RBFOX1: variants seen among roughly 807,000 people sequenced by gnomAD.
RBFOX1 encodes RNA binding protein fox-1 homolog 1.
In RBFOX1, 8 loss-of-function variants were observed where a neutral mutation model predicts 57.7. That is an observed-to-expected ratio of 0.14 (90% CI 0.08 to 0.25). The LOEUF (loss-of-function observed/expected upper bound fraction) is 0.25. Among genes scored for constraint, RBFOX1 ranks in the 10% least tolerant of loss-of-function variants. The probability of loss-of-function intolerance (pLI) is 1.00; values close to 1 mark genes in which losing one functional copy is unlikely to be tolerated. For missense variants in RBFOX1, 611 were observed against 548.5 expected, an observed-to-expected ratio of 1.11 and a Z score of -1.14; for synonymous variants, 326 against 222.4, an observed-to-expected ratio of 1.47 and a Z score of -4.15.
intron 1 of RBFOX1, among the ~76,000 whole-genome samples, chr16:5,424,939 C>T (rs1219577349): frequency 0.011 from 762 of 68,580 alleles, 13 homozygotes; most frequent in Non-Finnish European, 0.015. Flanking sequence ...TTCTTTCTCT[C>T]TCTTCTTTCT....
chr16:7,115,179 C>G (rs1417967801), intron 4 of RBFOX1, among the ~76,000 whole-genome samples: 4 of 151,986 alleles, frequency 2.6e-5, no homozygotes, highest in Middle Eastern at 3.2e-3. Flanking sequence ...ATAAAGAAAC[C>G]TGGTATTTTT....
chr16:6,986,627 C>T (rs1568235144), intron 3 of RBFOX1, among the ~76,000 whole-genome samples: 1 of 152,156 alleles, frequency 6.6e-6, no homozygotes, highest in Non-Finnish European at 1.5e-5. Flanking sequence ...ATATTTTTTA[C>T]TGCATTTGCT....
chr16:5,772,114 A>G lies in RBFOX1; in HGVS notation c.319-95189A>G, dbSNP rs192614833. The stretch of plus-strand genomic sequence containing the variant: ...TTGAACCTGGGAGGCGGAGGTTGCA[A>G]TGAGCCGAGATCACACCAGCACACT... On this transcript the variant is annotated intron_variant, in intron 3 of 19. Coordinates refer to the RBFOX1 transcript ENST00000641259. 1.8e-3 allele frequency among the ~76,000 whole-genome samples: 268 copies of G among 152,178 alleles called. 1 individual carries two copies. The highest frequency in any genetic ancestry group is 2.3e-3 in the Non-Finnish European group (153 of 67,994).
chr16:5,648,766 T>A (rs1014615561), intron 3 of RBFOX1, among the ~76,000 whole-genome samples: 14 of 152,174 alleles, frequency 9.2e-5, no homozygotes, highest in Admixed American at 4.6e-4. Context: ...TTGCATATTT[T>A]AAAAATCACA....
intron 1 of RBFOX1, among the ~76,000 whole-genome samples, chr16:6,083,269 C>G (rs1241822662): frequency 2.6e-5 from 4 of 152,130 alleles, no homozygotes; most frequent in Non-Finnish European, 5.9e-5. Context: ...TCCCAAAGTT[C>G]TAGGATTACA....
At chr16:7,002,016 C>A (rs1252485401) in intron 3 of RBFOX1, among the ~76,000 whole-genome samples, 2 of 151,964 alleles carry the variant, frequency 1.3e-5, no homozygotes, top group African/African-American at 4.8e-5. Flanking sequence ...TATCCCTGGG[C>A]ATAGTTGATT....
chr16:7,239,017 C>T (rs555184629), intron 4 of RBFOX1, among the ~76,000 whole-genome samples: 2 of 152,218 alleles, frequency 1.3e-5, no homozygotes, highest in African/African-American at 2.4e-5. Context: ...ATACATGTAC[C>T]ACACTTTCTT....
intron 4 of RBFOX1, among the ~76,000 whole-genome samples, chr16:7,276,919 A>C (rs901878525): frequency 6.6e-6 from 1 of 152,222 alleles, no homozygotes. Context: ...AAACAGTTTG[A>C]TGCGTCCCAG....
chr16:6,748,038 A>T lies in RBFOX1; in HGVS notation c.-16+93388A>T, dbSNP rs1272110416. On this transcript the variant is annotated intron_variant, in intron 3 of 15. Transcript: ENST00000550418. The stretch of plus-strand genomic sequence containing the variant: ...TTTGAAGGATTGTTCACCAGTAGTG[A>T]CACCGTTATTTATTGAACCATTTTC... 2.0e-5 allele frequency among the ~76,000 whole-genome samples: 3 copies of T among 152,166 alleles called. No homozygotes were observed. In the East Asian group the frequency reaches 5.8e-4, roughly 29 times the overall value.
chr16:6,183,685 G>A (rs772302921), intron 1 of RBFOX1, among the ~76,000 whole-genome samples: 19 of 151,952 alleles, frequency 1.3e-4, no homozygotes, highest in African/African-American at 4.3e-4. Context: ...AAGAAGGAAC[G>A]GCCGGTGTAA....
chr16:7,211,550 GCAAA>G (rs892558141), intron 4 of RBFOX1, among the ~76,000 whole-genome samples: 2 of 151,980 alleles, frequency 1.3e-5, no homozygotes, highest in Admixed American at 6.6e-5. Context: ...TTCATGTAAA[GCAAA>G]CAAACAAAAA....
chr16:7,596,136 CAAAAAA>C, intron 8 of RBFOX1, among the ~76,000 whole-genome samples: 1 of 3,610 alleles, frequency 2.8e-4, no homozygotes, highest in Non-Finnish European at 1.4e-3. Flanking sequence ...GAAAAAAAAA[CAAAAAA>C]AAAAACGAGA....
chr16:7,267,071 G>A (rs538194503), intron 4 of RBFOX1, among the ~76,000 whole-genome samples: 1 of 152,290 alleles, frequency 6.6e-6, no homozygotes, highest in South Asian at 2.1e-4. Flanking sequence ...AGTCGAAGTG[G>A]GGGACAGTAG....
intron 1 of RBFOX1, among the ~76,000 whole-genome samples, chr16:6,282,594 T>G (rs954381253): frequency 1.3e-5 from 2 of 151,942 alleles, no homozygotes; most frequent in African/African-American, 4.8e-5. Flanking sequence ...TGTCCGTGTG[T>G]TCTTATTGTT....
At chr16:5,979,645 C>T (rs1472926374) in intron 4 of RBFOX1, among the ~76,000 whole-genome samples, 5 of 152,230 alleles carry the variant, frequency 3.3e-5, no homozygotes, top group South Asian at 2.1e-4. Flanking sequence ...AGATGGATCA[C>T]GAAGTCAAGA....
At chr16:7,395,055 G>T (rs1446105103) in intron 4 of RBFOX1, among the ~76,000 whole-genome samples, 1 of 152,160 alleles carries the variant, frequency 6.6e-6, no homozygotes, top group African/African-American at 2.4e-5. Flanking sequence ...GCAGACTAGG[G>T]GGATAAATAG....
Position 5,947,343 on chromosome 16 carries a change from A to G in RBFOX1, c.351+80008A>G, listed in dbSNP as rs867991149. Among the ~76,000 whole-genome samples the G allele has an allele frequency of 2.0e-5, 3 of 152,158 alleles. No homozygotes were observed. Among genetic ancestry groups the G allele is most frequent in the African/African-American group, 7.2e-5 (3 of 41,436 alleles). ...CGAATGGACACCTCTTTTTACAACC[A>G]TGTGTTCTACATTGCAATGACAGAT... On this transcript the variant is annotated intron_variant, in intron 4 of 19. Transcript: ENST00000641259. This position sits in a 1 kb window ranked among gnomAD's most constrained non-coding sequence, Gnocchi z 7.2.
intron 3 of RBFOX1, among the ~76,000 whole-genome samples, chr16:5,837,131 C>T (rs946105152): frequency 2.6e-5 from 4 of 152,084 alleles, no homozygotes; most frequent in Non-Finnish European, 4.4e-5. Flanking sequence ...GTCTCTCCTG[C>T]TTCGCTCAAA....
intron 1 of RBFOX1, among the ~76,000 whole-genome samples, chr16:5,283,459 C>T (rs1162907358): frequency 6.6e-6 from 1 of 152,074 alleles, no homozygotes; most frequent in Non-Finnish European, 1.5e-5. Context: ...AAAGGAGCCC[C>T]TCCTTTCACC....
Sources: allele counts gnomAD v4.1 joint callset (sites outside exome capture counted in the v4.1 genomes callset), GRCh38; gene constraint gnomAD v4.1.1; non-coding constraint Gnocchi (gnomAD v3.1); transcripts MANE v1.5; gene names NCBI Gene and HGNC (gene_info 2026-07-23, HGNC 2026-07-21).